The following EPHA6 variants were observed in gnomAD, a reference collection of about 807,000 sequenced individuals.
EPHA6 encodes ephrin type-A receptor 6.
A neutral mutation model predicts 112.0 loss-of-function variants in EPHA6; 50 were observed. That is an observed-to-expected ratio of 0.45 (90% CI 0.36 to 0.56). The LOEUF is 0.56. Ranked by LOEUF, EPHA6 falls within the 20% of genes least tolerant of loss-of-function variation. The probability of loss-of-function intolerance (pLI) is 0.00; values close to 1 mark genes in which losing one functional copy is unlikely to be tolerated. For synonymous variants in EPHA6, 529 were observed against 490.7 expected (o/e 1.08, Z -1.03); for missense variants, 1,280 against 1,417.4 (o/e 0.90, Z 1.56).
In EPHA6 at chr3:97,754,084, C is replaced by CTTTTTTTTT; in HGVS notation, c.*5396_*5404dup. Reference sequence around the variant, plus strand: ...AATGTATAAAAAATAACATTTATATCTTTTTTTTTTTTTTTTTTTTTGAGA... The same window carrying CTTTTTTTTT: ...AATGTATAAAAAATAACATTTATATCTTTTTTTTTTTTTTTTTTTTTTTTTTTTTTGAGA... On this transcript the variant is annotated 3_prime_UTR_variant, in exon 18 of 18. Coordinates refer to ENST00000389672, the MANE Select transcript of EPHA6 (RefSeq NM_001080448.3). 9.8e-6 allele frequency among the ~76,000 whole-genome samples: 1 copy of CTTTTTTTTT among 102,060 alleles called. No homozygotes were observed. Among genetic ancestry groups the CTTTTTTTTT allele is most frequent in the Admixed American group, 1.1e-4 (1 of 8,870 alleles). The allele number at this position is 102,060 out of a possible 152,430, so 67.0% of individuals were successfully genotyped here.
chr3:96,994,186 T>C (rs776258073), intron 3 of EPHA6: 1 of 391,682 alleles, frequency 2.6e-6, no homozygotes, highest in South Asian at 2.5e-5. Flanking sequence ...ATTAAGCATG[T>C]TTGCTAAAAT....
At chr3:97,705,986 ATATACT>A (rs1261236455) in intron 14 of EPHA6, among the ~76,000 whole-genome samples, 1 of 152,160 alleles carries the variant, frequency 6.6e-6, no homozygotes, top group African/African-American at 2.4e-5. Context: ...AACCCAAATG[ATATACT>A]TAAACCTGAG....
intron 5 of EPHA6, among the ~76,000 whole-genome samples, chr3:97,247,578 T>C (rs1025970494): frequency 6.6e-6 from 1 of 151,866 alleles, no homozygotes; most frequent in African/African-American, 2.4e-5. Flanking sequence ...ATAAGAGAAA[T>C]CATTCTGAGT....
intron 1 of EPHA6, among the ~76,000 whole-genome samples, chr3:96,843,790 C>G (rs150317303): frequency 8.6e-5 from 13 of 151,996 alleles, no homozygotes; most frequent in Admixed American, 7.9e-4. Context: ...TATATGACGC[C>G]TTAAAGAAAA....
At chr3:97,266,360 T>A (rs1272457729) in intron 5 of EPHA6, among the ~76,000 whole-genome samples, 2 of 152,180 alleles carry the variant, frequency 1.3e-5, no homozygotes, top group Non-Finnish European at 2.9e-5. Flanking sequence ...TTTACCGTAT[T>A]CTAATCTCCA....
chr3:97,150,096 A>C (rs1047465562), intron 3 of EPHA6, among the ~76,000 whole-genome samples: 1 of 151,406 alleles, frequency 6.6e-6, no homozygotes, highest in African/African-American at 2.4e-5. Context: ...CAATAAAGTA[A>C]TTATTCTTTC....
chr3:96,823,196 G>T (rs2033401958), intron 1 of EPHA6, among the ~76,000 whole-genome samples: 1 of 151,642 alleles, frequency 6.6e-6, no homozygotes, highest in Non-Finnish European at 1.5e-5. Flanking sequence ...TGAGTAAATA[G>T]AGAATTTAAG....
chr3:97,383,675 G>C (rs1313739544), intron 5 of EPHA6, among the ~76,000 whole-genome samples: 1 of 152,020 alleles, frequency 6.6e-6, no homozygotes, highest in Non-Finnish European at 1.5e-5. Flanking sequence ...CCTGTAAAAT[G>C]CTTTTCCAAA....
intron 2 of EPHA6, among the ~76,000 whole-genome samples, chr3:96,869,320 G>A (rs554214255): frequency 7.4e-4 from 111 of 150,942 alleles, no homozygotes; most frequent in African/African-American, 2.7e-3. Flanking sequence ...AATAAAAGGA[G>A]AGGTTAATTC....
intron 3 of EPHA6, among the ~76,000 whole-genome samples, chr3:97,087,383 A>G (rs1443130552): frequency 1.3e-5 from 2 of 152,106 alleles, no homozygotes; most frequent in Non-Finnish European, 2.9e-5. Flanking sequence ...AGCATGGGAG[A>G]GTAGACATGA....
At chr3:97,549,838 A>T (rs986776484) in intron 11 of EPHA6, among the ~76,000 whole-genome samples, 4 of 151,740 alleles carry the variant, frequency 2.6e-5, no homozygotes, top group Non-Finnish European at 4.4e-5. Context: ...ATAAAATAAA[A>T]TAAATAAAAT....
chr3:96,818,402 A>G (rs1305383503), intron 1 of EPHA6, among the ~76,000 whole-genome samples: 3 of 151,998 alleles, frequency 2.0e-5, no homozygotes, highest in African/African-American at 7.2e-5. Context: ...GGTATGGGTA[A>G]GTTAGTCTAG....
chr3:97,255,119 G>T lies in EPHA6; in HGVS notation c.1606+10832G>T, dbSNP rs1354115777. Among the ~76,000 whole-genome samples, 3 of 150,784 alleles carry T rather than the reference G, an allele frequency of 2.0e-5. No individual in the cohort carries two copies. The East Asian group carries it at 5.9e-4, about 30-fold the overall frequency. On this transcript the variant is annotated intron_variant, in intron 5 of 17. Coordinates refer to ENST00000389672, the MANE Select transcript of EPHA6 (RefSeq NM_001080448.3). ...AAGGAGTGACAGTATATCAGACTAA[G>T]AATTTTTCCAGAGGTACATCTTGGA...
chr3:97,239,327 C>CA (rs537533525), intron 4 of EPHA6, among the ~76,000 whole-genome samples: 65 of 151,282 alleles, frequency 4.3e-4, no homozygotes, highest in East Asian at 2.5e-3. Flanking sequence ...ACTTTGAAAA[C>CA]AAAAAAAACT....
intron 6 of EPHA6, among the ~76,000 whole-genome samples, chr3:97,442,100 G>A (rs1433397443): frequency 2.6e-5 from 4 of 152,072 alleles, no homozygotes; most frequent in Admixed American, 6.6e-5. Context: ...TTAGAAACAA[G>A]AATAGAAATG....
chr3:96,950,131 T>C (rs1405818924), intron 2 of EPHA6, among the ~76,000 whole-genome samples: 1 of 152,128 alleles, frequency 6.6e-6, no homozygotes, highest in Non-Finnish European at 1.5e-5. Context: ...CTTGGAAACA[T>C]GGTGTGTGTC....
In EPHA6 at chr3:97,542,079, G is replaced by A. The variant is rs372338574; in HGVS notation, c.2386+9536G>A. 2.8e-5 allele frequency among the ~76,000 whole-genome samples: 4 copies of A among 144,492 alleles called. No individual in the cohort carries two copies. In the South Asian group the frequency reaches 6.3e-4, roughly 23 times the overall value. 94.8% of individuals were successfully genotyped at this position (144,492 alleles called of 152,430 possible). The stretch of plus-strand genomic sequence containing the variant: ...ACTGGGAGGCTAGGCCTGTCTTGTC[G>A]CTTCATGTTTTTTTGTTTTTTTTTT... On this transcript the variant is annotated intron_variant, in intron 11 of 17. Transcript: ENST00000389672.
At chr3:97,514,633 C>G (rs1045979538) in intron 10 of EPHA6, among the ~76,000 whole-genome samples, 4 of 152,144 alleles carry the variant, frequency 2.6e-5, no homozygotes, top group East Asian at 1.9e-4. Flanking sequence ...TATTTTGAAG[C>G]TCTAACTTAT....
intron 3 of EPHA6, among the ~76,000 whole-genome samples, chr3:97,209,261 GAT>G (rs1381704452): frequency 6.6e-6 from 1 of 152,078 alleles, no homozygotes; most frequent in East Asian, 1.9e-4. Flanking sequence ...CAGAGGAAGA[GAT>G]AAATGTGGTA....
Sources: allele counts gnomAD v4.1 joint callset (sites outside exome capture counted in the v4.1 genomes callset), GRCh38; gene constraint gnomAD v4.1.1; transcripts MANE v1.5; gene names NCBI Gene and HGNC (gene_info 2026-07-23, HGNC 2026-07-21).